Variants in POM121L2 observed in about 807,000 individuals in gnomAD.
POM121L2 encodes POM121 transmembrane nucleoporin like 2, also known as POM121-like protein 2.
For synonymous variants in POM121L2, 459 were observed against 483.8 expected (o/e 0.95, Z 0.67); for missense variants, 1,167 against 1,260.3 (o/e 0.93, Z 1.12).
rs1760758191 is a variant in POM121L2 at position 27,312,215 on chromosome 6, C to T, written c.-45G>A. 1 of 1,265,356 alleles carries T rather than the reference C, an allele frequency of 7.9e-7. No homozygotes were observed. The highest frequency in any genetic ancestry group is 1.1e-6 in the Non-Finnish European group (1 of 946,854). The allele number at this position is 1,265,356 out of a possible 1,614,324, so 78.4% of individuals were successfully genotyped here. A position where few individuals can be genotyped will look rare whatever the true frequency, so the allele number is the denominator to read the frequency against. On this transcript the variant is annotated 5_prime_UTR_variant, in exon 1 of 1. Coordinates refer to ENST00000444565, the MANE Select transcript of POM121L2 (RefSeq NM_033482.4). The surrounding 1 kb of genome is among the most constrained non-coding windows in gnomAD (Gnocchi z 6.7). ...GCAGTGAGTTCAAGCACGGTTTTGG[C>T]TTCCGAGGTTTCGGACGTCTGCAGA... is the stretch of plus-strand genomic sequence containing the variant.
Position 27,311,767 on chromosome 6 carries a change from G to A in POM121L2, c.404C>T (p.Pro135Leu), listed in dbSNP as rs1328792215. ...PDQRVPPSTS[P>L]EDVIALAGLP... ...TCCTGCAAGGGCAATTACATCTTCA[G>A]GAGAAGTGGAAGGGGGCACTCTCTG... Residue 135 changes from proline to leucine, a missense_variant, in exon 1 of 1, where the codon CCT becomes CTT. Transcript: ENST00000444565. The A allele has an allele frequency of 4.5e-6, 7 of 1,551,826 alleles. No individual in the cohort carries two copies. The highest frequency in any genetic ancestry group is 6.1e-6 in the Non-Finnish European group (7 of 1,147,028).
At position 27,308,998 on chromosome 6, in the gene POM121L2, A is replaced by T; in HGVS notation, c.*65T>A. On this transcript the variant is annotated 3_prime_UTR_variant, in exon 1 of 1. Transcript: ENST00000444565. ...TATGTTTACTTTAGAAAATTGGAAG[A>T]CACTGAGGTTTTTCAAAAACAATAC... The T allele has an allele frequency of 8.1e-7, 1 of 1,228,802 alleles. No individual in the cohort carries two copies. Among genetic ancestry groups the T allele is most frequent in the Non-Finnish European group, 1.1e-6 (1 of 892,698 alleles). 76.1% of individuals were successfully genotyped at this position (1,228,802 alleles called of 1,614,324 possible).
Position 27,309,464 on chromosome 6 carries a change from A to T in POM121L2, c.2707T>A (p.Ser903Thr). The T allele has an allele frequency of 6.4e-7, 1 of 1,551,704 alleles. No homozygotes were observed. The highest frequency in any genetic ancestry group is 8.7e-7 in the Non-Finnish European group (1 of 1,146,980). ...GFVTPMDCDE[S>T]GIIMTGPDMS... The stretch of plus-strand genomic sequence containing the variant: ...TCTGGACCAGTCATTATGATCCCAG[A>T]CTCATCACAGTCCATAGGGGTCACG... Residue 903 changes from serine (S) to threonine (T), a missense_variant, in exon 1 of 1, where the codon TCT (serine) becomes ACT (threonine). Physicochemically the swap from Ser to Thr is moderately conservative, Grantham distance 58 (BLOSUM62 1). Transcript: ENST00000444565.
At position 27,309,305 on chromosome 6, in the gene POM121L2, C is replaced by G; in HGVS notation, c.2866G>C (p.Gly956Arg). 6.4e-7 allele frequency: 1 copy of G among 1,551,096 alleles called. No individual in the cohort carries two copies. Among genetic ancestry groups the G allele is most frequent in the Non-Finnish European group, 8.7e-7 (1 of 1,146,682 alleles). Residue 956 changes from glycine (G) to arginine (R), a missense_variant, in exon 1 of 1, where the codon GGG becomes CGG. Gly to Arg is a moderately radical substitution (Grantham distance 125, BLOSUM62 -2). Transcript: ENST00000444565. ...TTTCTTGCAGAAATGCTGCCTCTCC[C>G]CAAGGAAAAAGCTGTGCGGTGGCTG... The part of the protein sequence containing the change: ...LPSHRTAFSL[G>R]RGSISARKTM...
At chr6:27,311,597 T>A (rs1760746851), upstream of POM121L2, 1 of 1,551,774 alleles carries the variant, frequency 6.4e-7, no homozygotes, top group Non-Finnish European at 8.7e-7. Flanking sequence ...GCCGATGGTC[T>A]GGTCTCTGGA....
chr6:27,311,119 A>C lies in POM121L2; in HGVS notation c.1052T>G (p.Leu351Trp), dbSNP rs1760739761. 1 of 1,551,780 alleles carries C rather than the reference A, an allele frequency of 6.4e-7. No homozygotes were observed. The change falls in exon 1 of 1, where the codon TTG (leucine) becomes TGG (tryptophan). Residue 351 changes from leucine to tryptophan, a missense_variant. By Grantham distance (61) the Leu-to-Trp change is moderately conservative. Transcript: ENST00000444565. ...GYAVSDENLTLGKKAELQVSN... is the reference protein window; with the variant it reads ...GYAVSDENLTWGKKAELQVSN... ...TACCTGTAGCTCAGCTTTCTTCCCCAAAGTCAAGTTCTCATCAGAGACTGC... is the reference window on the plus strand; with the variant it reads ...TACCTGTAGCTCAGCTTTCTTCCCCCAAGTCAAGTTCTCATCAGAGACTGC...
rs1190889614 is a variant in POM121L2 at position 27,312,271 on chromosome 6, G to T, written c.-101C>A. 5.3e-6 allele frequency: 4 copies of T among 751,854 alleles called. No individual in the cohort carries two copies. The highest frequency in any genetic ancestry group is 8.0e-6 in the Non-Finnish European group (4 of 497,094). The allele number at this position is 751,854 out of a possible 1,614,324, so 46.6% of individuals were successfully genotyped here. ...ACAGAGTCGAAGAGCGCAGTGTTCG[G>T]TTGACGGTTGGGATTCACGCGCTAG... On this transcript the variant is annotated 5_prime_UTR_variant, in exon 1 of 1. Transcript: ENST00000444565. The surrounding 1 kb of genome is among the most constrained non-coding windows in gnomAD (Gnocchi z 6.7).
chr6:27,311,701 T>G lies in POM121L2; in HGVS notation c.470A>C (p.Glu157Ala). 1 of 1,551,852 alleles carries G rather than the reference T, an allele frequency of 6.4e-7. No individual in the cohort carries two copies. The highest frequency in any genetic ancestry group is 8.7e-7 in the Non-Finnish European group (1 of 1,147,034). ...CTCTCTGAGGGCCCTCAACACTGTC[T>G]CCTTTGAACATGGATCTGCGAGCTC... The part of the protein sequence containing the change: ...SEELADPCSK[E>A]TVLRALRECR... The change falls in exon 1 of 1, where the codon GAG (glutamate) becomes GCG (alanine). Residue 157 changes from glutamate (E) to alanine (A), a missense_variant. Physicochemically the swap from Glu to Ala is moderately radical, Grantham distance 107 (BLOSUM62 -1). Coordinates refer to ENST00000444565, the MANE Select transcript of POM121L2 (RefSeq NM_033482.4).
At position 27,310,930 on chromosome 6, in the gene POM121L2, G is replaced by C. The variant is rs1207611875; in HGVS notation, c.1241C>G (p.Ser414Cys). 1.1e-5 allele frequency: 17 copies of C among 1,551,828 alleles called. No individual in the cohort carries two copies. Among genetic ancestry groups the C allele is most frequent in the Non-Finnish European group, 1.3e-5 (15 of 1,147,056 alleles). The stretch of plus-strand genomic sequence containing the variant: ...CTGTGGAGAGGCCAGTGGACCTAGA[G>C]ACTTCTGCATTTTTCTTAAGTTTTC... ...QLENLRKMQKSLGPLASPQST... is the reference protein window; with the variant it reads ...QLENLRKMQKCLGPLASPQST... Residue 414 changes from serine to cysteine, a missense_variant, in exon 1 of 1, where the codon TCT (serine) becomes TGT (cysteine). By Grantham distance (112) the Ser-to-Cys change is moderately radical (BLOSUM62 -1). Coordinates refer to ENST00000444565, the MANE Select transcript of POM121L2 (RefSeq NM_033482.4).
At position 27,311,389 on chromosome 6, in the gene POM121L2, C is replaced by A. The variant is rs773777808; in HGVS notation, c.782G>T (p.Ser261Ile). The A allele has an allele frequency of 6.4e-7, 1 of 1,551,656 alleles. No individual in the cohort carries two copies. Among genetic ancestry groups the A allele is most frequent in the South Asian group, 1.2e-5 (1 of 84,064 alleles). The stretch of plus-strand genomic sequence containing the variant: ...AGGGTCTGAGAAATTTCTGCAAGAG[C>A]TGTAAGAGCTGCCAATAGCATTCCT... ...SKRNAIGSSY[S>I]SCRNFSDPWK... Residue 261 changes from serine to isoleucine, a missense_variant, in exon 1 of 1, where the codon AGC becomes ATC. By Grantham distance (142) the Ser-to-Ile change is moderately radical (BLOSUM62 -2). Transcript: ENST00000444565.
rs17688097 is a variant in POM121L2 at position 27,311,995 on chromosome 6, C to T, written c.176G>A (p.Arg59Gln). The part of the protein sequence containing the change: ...PAPRYRPVRR[R>Q]PNLDPANPTT... ...TGGATTGGCAGGATCCAGGTTTGGC[C>T]GCCTCCTCACAGGTCTATACCGTGG... The change falls in exon 1 of 1, where the codon CGG becomes CAG. Residue 59 changes from arginine to glutamine, a missense_variant. By Grantham distance (43) the Arg-to-Gln change is conservative. Transcript: ENST00000444565. 51,819 of 1,548,952 alleles carry T rather than the reference C, an allele frequency of 0.033. 1,168 individuals are homozygous for T. Among genetic ancestry groups the T allele is most frequent in the South Asian group, 0.084 (7,027 of 83,472 alleles).
chr6:27,311,899 G>T lies in POM121L2; in HGVS notation c.272C>A (p.Pro91His), dbSNP rs1476449479. Residue 91 changes from proline (P) to histidine (H), a missense_variant, in exon 1 of 1, where the codon CCT becomes CAT. Pro to His is a moderately conservative substitution (Grantham distance 77). Transcript: ENST00000444565. ...ACTTTCCCACCAGTCTGAAGGGAGA[G>T]GCCCCAGGGGGGAATTCTGGGACTT... ...MKKSQNSPLG[P>H]LPSDWWESYL... 7 of 1,551,756 alleles carry T rather than the reference G, an allele frequency of 4.5e-6. No homozygotes were observed. In the South Asian group the frequency reaches 8.3e-5, roughly 18 times the overall value.
rs149420312 is a variant in POM121L2, at chr6:27,309,724, G to A, written c.2447C>T (p.Ala816Val). The A allele has an allele frequency of 5.0e-4, 783 of 1,551,752 alleles. 2 individuals are homozygous for A. In the African/African-American group the frequency reaches 8.5e-3, roughly 17 times the overall value. ...TGTGGTACTAATGAAGGCTGGCTGA[G>A]CTGGAGTTGGCATGGGGGTTGGCAA... ...VALPTPMPTP[A>V]QPAFISTTQS... The change falls in exon 1 of 1, where the codon GCT (alanine) becomes GTT (valine). Residue 816 changes from alanine to valine, a missense_variant. Physicochemically the swap from Ala to Val is moderately conservative, Grantham distance 64. Transcript: ENST00000444565.
chr6:27,311,828 A>C lies in POM121L2; in HGVS notation c.343T>G (p.Trp115Gly). Reference sequence around the variant, plus strand: ...GTGATCCTGATGGTCACTGGGCTCCAAATTGGCCTGGGATGTCGAAGAGAC... The same window carrying C: ...GTGATCCTGATGGTCACTGGGCTCCCAATTGGCCTGGGATGTCGAAGAGAC... The part of the protein sequence containing the change: ...IWSLRHPRPI[W>G]SPVTIRITPP... The change falls in exon 1 of 1, where the codon TGG becomes GGG. Residue 115 changes from tryptophan to glycine, a missense_variant. Coordinates refer to ENST00000444565, the MANE Select transcript of POM121L2 (RefSeq NM_033482.4). The C allele has an allele frequency of 1.3e-6, 2 of 1,551,786 alleles. No individual in the cohort carries two copies. The highest frequency in any genetic ancestry group is 2.4e-5 in the South Asian group (2 of 84,066).
In POM121L2 at chr6:27,310,400, G is replaced by T. The variant is rs41269261; in HGVS notation, c.1771C>A (p.Pro591Thr). 0.027 allele frequency: 42,503 copies of T among 1,552,102 alleles called. 681 individuals carry two copies. Among genetic ancestry groups the T allele is most frequent in the Middle Eastern group, 0.038 (225 of 5,996 alleles). Residue 591 changes from proline to threonine, a missense_variant, in exon 1 of 1, where the codon CCC (proline) becomes ACC (threonine). Coordinates refer to ENST00000444565, the MANE Select transcript of POM121L2 (RefSeq NM_033482.4). ...FGSIDPLKTTPMIAPFSSKQT... is the reference protein window; with the variant it reads ...FGSIDPLKTTTMIAPFSSKQT... ...TTGGAGGAGAAAGGAGCTATCATGG[G>T]CGTAGTTTTAAGTGGATCTATGCTG...
In POM121L2 at chr6:27,310,987, G is replaced by T; in HGVS notation, c.1184C>A (p.Thr395Lys). The change falls in exon 1 of 1, where the codon ACA becomes AAA. Residue 395 changes from threonine to lysine, a missense_variant. Physicochemically the swap from Thr to Lys is moderately conservative, Grantham distance 78. Transcript: ENST00000444565. ...SLSLALPSSE[T>K]DLTQGANPQL... ...AGGATTTGCTCCCTGGGTTAGATCT[G>T]TTTCTGAAGAAGGCAGAGCAAGAGA... 6.4e-7 allele frequency: 1 copy of T among 1,551,880 alleles called. No individual in the cohort carries two copies. Among genetic ancestry groups the T allele is most frequent in the South Asian group, 1.2e-5 (1 of 84,062 alleles).
In POM121L2 at chr6:27,310,358, A is replaced by T; in HGVS notation, c.1813T>A (p.Phe605Ile). 5 of 1,552,206 alleles carry T rather than the reference A, an allele frequency of 3.2e-6. No homozygotes were observed. The highest frequency in any genetic ancestry group is 4.4e-6 in the Non-Finnish European group (5 of 1,147,088). The change falls in exon 1 of 1, where the codon TTT (phenylalanine) becomes ATT (isoleucine). Residue 605 changes from phenylalanine (F) to isoleucine (I), a missense_variant. Transcript: ENST00000444565. ...PFSSKQTPPP[F>I]THASTHHFHG... ...AAATGATGGGTAGAAGCATGAGTAAATGGAGGAGGGGTCTGCTTGGAGGAG... is the reference window on the plus strand; with the variant it reads ...AAATGATGGGTAGAAGCATGAGTAATTGGAGGAGGGGTCTGCTTGGAGGAG...
Position 27,310,546 on chromosome 6 carries a change from T to A in POM121L2, c.1625A>T (p.His542Leu). ...TGAGGAGCTTCCAATCTCGCTGTTG[T>A]GCAGGGGCCCCAAAATCGGTTTTAA... ...LMLKPILGPL[H>L]NSEIGSSSYS... The change falls in exon 1 of 1, where the codon CAC becomes CTC. Residue 542 changes from histidine to leucine, a missense_variant. Coordinates refer to ENST00000444565, the MANE Select transcript of POM121L2 (RefSeq NM_033482.4). The A allele has an allele frequency of 4.5e-6, 7 of 1,552,184 alleles. No individual in the cohort carries two copies. The highest frequency in any genetic ancestry group is 6.1e-6 in the Non-Finnish European group (7 of 1,147,104).
chr6:27,310,992 TGAA>T lies in POM121L2; in HGVS notation c.1176_1178del (p.Ser393del). The T allele has an allele frequency of 6.4e-7, 1 of 1,552,260 alleles. No homozygotes were observed. The highest frequency in any genetic ancestry group is 1.2e-5 in the South Asian group (1 of 84,066). Reference sequence around the variant, plus strand: ...TTGCTCCCTGGGTTAGATCTGTTTCTGAAGAAGGCAGAGCAAGAGACAAGGAAG... The same window carrying T: ...TTGCTCCCTGGGTTAGATCTGTTTCTGAAGGCAGAGCAAGAGACAAGGAAG... On this transcript the variant is annotated inframe_deletion, in exon 1 of 1. Coordinates refer to ENST00000444565, the MANE Select transcript of POM121L2 (RefSeq NM_033482.4).
Sources: allele counts gnomAD v4.1 joint callset, GRCh38; gene constraint gnomAD v4.1.1; non-coding constraint Gnocchi (gnomAD v3.1); transcripts MANE v1.5; gene names NCBI Gene and HGNC (gene_info 2026-07-23, HGNC 2026-07-21).